CASK: variants seen among roughly 807,000 people sequenced by gnomAD.
The protein encoded by CASK is calcium/calmodulin dependent serine protein kinase, also known as peripheral plasma membrane protein CASK.
Under a neutral mutation model 82.9 loss-of-function variants are expected in CASK, and 4 were observed. That is an observed-to-expected ratio of 0.05 (90% CI 0.02 to 0.11). The LOEUF (loss-of-function observed/expected upper bound fraction) is 0.11, where lower values mean the gene tolerates loss of function less well. Ranked by LOEUF, CASK falls within the 10% of genes least tolerant of loss-of-function variation. CASK has a pLI of 1.00. For synonymous variants in CASK, 259 were observed against 253.5 expected (o/e 1.02, Z -0.20); for missense variants, 358 against 720.9 (o/e 0.50, Z 5.76).
At chrX:41,669,696 G>C (rs2067169382) in intron 6 of CASK, among the ~76,000 whole-genome samples, 1 of 111,775 alleles carries the variant, frequency 8.9e-6, no homozygotes, top group African/African-American at 3.3e-5. Context: ...GTGCTATGTA[G>C]TTGTCCAAAA....
intron 5 of CASK, among the ~76,000 whole-genome samples, chrX:41,731,466 T>C (rs1208747618): frequency 1.8e-5 from 2 of 111,954 alleles, no homozygotes; most frequent in Non-Finnish European, 3.8e-5. Flanking sequence ...TAAAAATAAT[T>C]ATTTAAAAAA....
intron 3 of CASK, 124 bp downstream of exon 3, chrX:41,787,054 C>T (rs1163257759): frequency 2.5e-5 from 13 of 526,638 alleles, no homozygotes; most frequent in Admixed American, 1.8e-4. Context: ...TTTCTTGTGA[C>T]TTTAGGTCTT....
At chrX:41,767,780 A>G (rs1487828211) in intron 3 of CASK, among the ~76,000 whole-genome samples, 1 of 111,456 alleles carries the variant, frequency 9.0e-6, no homozygotes, top group African/African-American at 3.3e-5. Context: ...CAGAGGTGAA[A>G]TGCCCTTCTC....
chrX:41,698,621 G>A (rs1053474732), intron 5 of CASK, among the ~76,000 whole-genome samples: 2 of 111,682 alleles, frequency 1.8e-5, no homozygotes, highest in Non-Finnish European at 3.8e-5. Flanking sequence ...CCATACAGTT[G>A]CAATCTAGGG....
chrX:41,847,837 T>C (rs764045937), intron 2 of CASK, among the ~76,000 whole-genome samples: 1 of 111,995 alleles, frequency 8.9e-6, no homozygotes, highest in South Asian at 3.7e-4. Flanking sequence ...TGTGGATGTG[T>C]AGGGCATACC....
At chrX:41,816,428 A>G (rs757899289) in intron 2 of CASK, among the ~76,000 whole-genome samples, 1 of 111,831 alleles carries the variant, frequency 8.9e-6, no homozygotes, top group African/African-American at 3.2e-5. Context: ...AACTAACTTG[A>G]TCTTAGTCTC....
chrX:41,610,617 C>T (rs1351057260), intron 11 of CASK, among the ~76,000 whole-genome samples: 2 of 111,538 alleles, frequency 1.8e-5, no homozygotes, highest in Non-Finnish European at 3.8e-5. Flanking sequence ...CTGTTTTACT[C>T]TTACCCTTCT....
At chrX:41,525,081 G>T (rs978550074) in intron 25 of CASK, among the ~76,000 whole-genome samples, 3 of 111,234 alleles carry the variant, frequency 2.7e-5, no homozygotes, top group African/African-American at 9.8e-5. Flanking sequence ...TAGACTGGTT[G>T]CCCTGCCTCT....
intron 2 of CASK, among the ~76,000 whole-genome samples, chrX:41,809,573 C>G (rs973036017): frequency 4.6e-4 from 52 of 112,057 alleles, no homozygotes; most frequent in African/African-American, 1.6e-3. Context: ...GACATCCACA[C>G]CAAAACCCCA....
chrX:41,682,055 TAAAAAA>T (rs35914567), intron 5 of CASK, among the ~76,000 whole-genome samples: 2 of 67,807 alleles, frequency 2.9e-5, no homozygotes, highest in African/African-American at 5.9e-5. Context: ...AGGACCATTG[TAAAAAA>T]AAAAAAAAAA....
At chrX:41,714,101 G>A (rs1394051460) in intron 5 of CASK, among the ~76,000 whole-genome samples, 1 of 111,874 alleles carries the variant, frequency 8.9e-6, no homozygotes, top group East Asian at 2.8e-4. Flanking sequence ...TTTTTCTAAG[G>A]AGAAAATGGT....
chrX:41,735,357 T>C (rs954976062), intron 5 of CASK, among the ~76,000 whole-genome samples: 1 of 111,754 alleles, frequency 8.9e-6, no homozygotes, highest in African/African-American at 3.2e-5. Flanking sequence ...TAGGTTGCTT[T>C]ATTGGCAAAA....
At chrX:41,719,602 C>T (rs1039301499) in intron 5 of CASK, among the ~76,000 whole-genome samples, 2 of 111,884 alleles carry the variant, frequency 1.8e-5, no homozygotes, top group South Asian at 3.7e-4. Context: ...AGGGTACACT[C>T]GCCAGCAGTT....
In CASK at chrX:41,555,653, C is replaced by T. The variant is rs2065151152; in HGVS notation, c.1807-18G>A. 8.5e-7 allele frequency: 1 copy of T among 1,173,783 alleles called. No homozygotes were observed. Among genetic ancestry groups the T allele is most frequent in the African/African-American group, 1.8e-5 (1 of 56,387 alleles). On this transcript the variant is annotated intron_variant, in intron 19 of 26. Transcript: ENST00000378163. ...GGCAAGTCCTGTAGAATAAAGCCAA[C>T]CCAGGAGAAAAATTTTCATTTATTT...
chrX:41,567,939 G>A (rs2065344491), intron 16 of CASK, among the ~76,000 whole-genome samples: 1 of 110,449 alleles, frequency 9.1e-6, no homozygotes, highest in Non-Finnish European at 1.9e-5. Flanking sequence ...GTCCTTTGCA[G>A]GGACATGGAT....
chrX:41,812,205 T>C lies in CASK; in HGVS notation c.173-24922A>G, dbSNP rs777577667. Among the ~76,000 whole-genome samples, 21 of 111,228 alleles carry C rather than the reference T, an allele frequency of 1.9e-4. No individual in the cohort carries two copies. The South Asian group carries it at 4.6e-3, about 24-fold the overall frequency. ...TTTCTTCTGAAACTATTCCAATCAA[T>C]AGAAAAAGAGGAAATCCTTCCTAAC... On this transcript the variant is annotated intron_variant, in intron 2 of 26. Transcript: ENST00000378163.
chrX:41,597,621 A>G (rs1248459763), intron 12 of CASK, among the ~76,000 whole-genome samples: 1 of 112,265 alleles, frequency 8.9e-6, no homozygotes. Context: ...CAAAGTTTCA[A>G]TGTCACATCT....
At chrX:41,906,317 G>A (rs1406871380) in intron 1 of CASK, among the ~76,000 whole-genome samples, 1 of 111,877 alleles carries the variant, frequency 8.9e-6, no homozygotes, top group African/African-American at 3.3e-5. Flanking sequence ...TTAAACATAT[G>A]GTTTTAAAAG....
chrX:41,783,400 A>G lies in CASK; in HGVS notation c.278+3778T>C, dbSNP rs750934397. Among the ~76,000 whole-genome samples the G allele has an allele frequency of 4.6e-5, 5 of 108,182 alleles. No individual in the cohort carries two copies. The South Asian group carries it at 1.7e-3, about 36-fold the overall frequency. 93.9% of individuals were successfully genotyped at this position (108,182 alleles called of 115,157 possible). A position where few individuals can be genotyped will look rare whatever the true frequency, so the allele number is the denominator to read the frequency against. ...GCCAACATGGTGAAACCCTGTCTCT[A>G]CTAAAAATACAAAAATTAGCCAGGC... On this transcript the variant is annotated intron_variant, in intron 3 of 26. Coordinates refer to ENST00000378163, the MANE Select transcript of CASK (RefSeq NM_001367721.1).
Sources: allele counts gnomAD v4.1 joint callset (sites outside exome capture counted in the v4.1 genomes callset), GRCh38; gene constraint gnomAD v4.1.1; transcripts MANE v1.5; gene names NCBI Gene and HGNC (gene_info 2026-07-23, HGNC 2026-07-21).